Variants in CDH8 observed in about 807,000 individuals in gnomAD.
The protein encoded by CDH8 is cadherin 8.
A neutral mutation model predicts 68.1 loss-of-function variants in CDH8; 17 were observed. The ratio of observed to expected loss-of-function variants is 0.25; its 90% CI spans 0.17 to 0.37. The LOEUF (loss-of-function observed/expected upper bound fraction) is 0.37. CDH8 is among the 10% of genes least tolerant of loss of function. The pLI, the probability that CDH8 is intolerant of heterozygous loss-of-function variation, is 1.00. For missense variants in CDH8, 763 were observed against 999.3 expected (o/e 0.76, Z 3.19); for synonymous variants, 372 against 365.1 (o/e 1.02, Z -0.21).
chr16:61,960,119 A>ATG (rs56181239), intron 2 of CDH8, among the ~76,000 whole-genome samples: 1 of 12,202 alleles, frequency 8.2e-5, no homozygotes, highest in East Asian at 1.9e-3. Context: ...ATATATACAT[A>ATG]TGTGTGTGTG....
intron 3 of CDH8, among the ~76,000 whole-genome samples, chr16:61,863,067 T>C (rs918170210): frequency 6.6e-6 from 1 of 152,208 alleles, no homozygotes; most frequent in Non-Finnish European, 1.5e-5. Context: ...TTTCCAGCTG[T>C]TGTCAACAAA....
At chr16:61,857,299 C>T (rs1963065656) in intron 3 of CDH8, 61 bp from the exon 4 acceptor site, 2 of 1,440,154 alleles carry the variant, frequency 1.4e-6, no homozygotes, top group Non-Finnish European at 1.9e-6. Context: ...CCAAGAGCTA[C>T]ATTTTGTCAA....
intron 8 of CDH8, among the ~76,000 whole-genome samples, chr16:61,764,821 G>A (rs1342185502): frequency 6.6e-6 from 1 of 151,992 alleles, no homozygotes; most frequent in Non-Finnish European, 1.5e-5. Context: ...TGATGTTGGA[G>A]AATTAATGAG....
chr16:61,730,520 T>C (rs1373082458), intron 8 of CDH8, among the ~76,000 whole-genome samples: 1 of 151,636 alleles, frequency 6.6e-6, no homozygotes, highest in Non-Finnish European at 1.5e-5. Flanking sequence ...TGTGGTTTGT[T>C]AGTTTATAGT....
At chr16:61,992,050 T>G (rs898161409) in intron 2 of CDH8, among the ~76,000 whole-genome samples, 1 of 144,322 alleles carries the variant, frequency 6.9e-6, no homozygotes, top group East Asian at 2.1e-4. Flanking sequence ...TGCTAAATCT[T>G]TGTGTGTGTG....
At chr16:62,023,096 A>C (rs979135748) in intron 1 of CDH8, among the ~76,000 whole-genome samples, 22 of 152,168 alleles carry the variant, frequency 1.4e-4, no homozygotes, top group Non-Finnish European at 2.8e-4. Flanking sequence ...GATTCCCCTT[A>C]AGTCTTTCTC....
At position 61,696,065 on chromosome 16, in the gene CDH8, T is replaced by C. The variant is rs528320024; in HGVS notation, c.1654+17776A>G. ...CTCACAATGACATATTGCAATGTAA[T>C]GCAATGTAAGTCACATAATAGACAA... On this transcript the variant is annotated intron_variant, in intron 10 of 11. Transcript: ENST00000577390. 4.9e-4 allele frequency among the ~76,000 whole-genome samples: 74 copies of C among 152,320 alleles called. 1 individual carries two copies. The highest frequency in any genetic ancestry group is 1.8e-3 in the Admixed American group (27 of 15,306).
intron 4 of CDH8, among the ~76,000 whole-genome samples, chr16:61,832,382 AC>A (rs376883454): frequency 0.035 from 5,285 of 150,098 alleles, 128 homozygotes; most frequent in Middle Eastern, 0.082. Context: ...ATAGATAGAT[AC>A]ATAGAGAAAT....
At position 61,671,877 on chromosome 16, in the gene CDH8, G is replaced by GA. The variant is rs200698945; in HGVS notation, c.1655-16157dup. ...ATGGAGAGAGCAGAAACAAATGATT[G>GA]AAAAAAAAAGATACCTGTGTAGGTC... On this transcript the variant is annotated intron_variant, in intron 10 of 11. Transcript: ENST00000577390. 5.5e-3 allele frequency among the ~76,000 whole-genome samples: 831 copies of GA among 150,052 alleles called. 12 individuals carry two copies. The highest frequency in any genetic ancestry group is 0.041 in the Admixed American group (611 of 15,074).
intron 10 of CDH8, among the ~76,000 whole-genome samples, chr16:61,683,639 G>C (rs1964052257): frequency 6.6e-6 from 1 of 151,832 alleles, no homozygotes; most frequent in African/African-American, 2.4e-5. Context: ...TTTCTGGAGG[G>C]GCTGACCCTA....
Position 61,736,160 on chromosome 16 carries a change from G to C in CDH8, c.1415-8945C>G, listed in dbSNP as rs551068983. Among the ~76,000 whole-genome samples the C allele has an allele frequency of 6.9e-4, 99 of 144,208 alleles. 1 individual carries two copies. The highest frequency in any genetic ancestry group is 2.5e-3 in the African/African-American group (93 of 37,916). The allele number at this position is 144,208 out of a possible 152,430, so 94.6% of individuals were successfully genotyped here. On this transcript the variant is annotated intron_variant, in intron 8 of 11. Coordinates refer to ENST00000577390, the MANE Select transcript of CDH8 (RefSeq NM_001796.5). Reference sequence around the variant, plus strand: ...GGAAGGAAGGAAGGAAGGAAGGAAAGAAGGAAGGAAAGAAAGAAAGGTGGA... The same window carrying C: ...GGAAGGAAGGAAGGAAGGAAGGAAACAAGGAAGGAAAGAAAGAAAGGTGGA...
In CDH8 at chr16:61,650,302, T is replaced by C. The variant is rs1388696841; in HGVS notation, c.*3306A>G. 1.3e-5 allele frequency: 2 copies of C among 152,032 alleles called. No homozygotes were observed. Among genetic ancestry groups the C allele is most frequent in the Non-Finnish European group, 2.9e-5 (2 of 67,990 alleles). The allele number at this position is 152,032 out of a possible 1,614,324, so 9.4% of individuals were successfully genotyped here. On this transcript the variant is annotated 3_prime_UTR_variant, in exon 12 of 12. Coordinates refer to ENST00000577390, the MANE Select transcript of CDH8 (RefSeq NM_001796.5). ...ATAGGCAGAGTAGAGGCTGAATTGA[T>C]CCCATGTTGTGTCCAATCACCCAGG... is the stretch of plus-strand genomic sequence containing the variant.
intron 10 of CDH8, among the ~76,000 whole-genome samples, chr16:61,660,281 C>A (rs935399928): frequency 6.6e-6 from 1 of 150,828 alleles, no homozygotes; most frequent in Admixed American, 6.6e-5. Context: ...AGCAGAAAAA[C>A]AGCTGGCAAA....
chr16:61,875,269 C>A (rs949847860), intron 3 of CDH8, among the ~76,000 whole-genome samples: 2 of 152,074 alleles, frequency 1.3e-5, no homozygotes, highest in Non-Finnish European at 2.9e-5. Context: ...TTTTTAGAAT[C>A]CTCTGGAATA....
chr16:61,871,640 A>G (rs571629443), intron 3 of CDH8, among the ~76,000 whole-genome samples: 1 of 151,826 alleles, frequency 6.6e-6, no homozygotes, highest in East Asian at 1.9e-4. Context: ...AAAACAACCA[A>G]TGGGAAATGT....
rs140362022 is a variant in CDH8, at chr16:61,680,600, A to G, written c.1655-24879T>C. Among the ~76,000 whole-genome samples, 93 of 151,810 alleles carry G rather than the reference A, an allele frequency of 6.1e-4. 3 individuals carry two copies. The East Asian group carries it at 0.016, about 26-fold the overall frequency. On this transcript the variant is annotated intron_variant, in intron 10 of 11. Coordinates refer to ENST00000577390, the MANE Select transcript of CDH8 (RefSeq NM_001796.5). ...ATTTTTTTAATACTTATAAATCTGC[A>G]TAACATCACTTGCTCCCTCCCCTTC...
intron 8 of CDH8, among the ~76,000 whole-genome samples, chr16:61,770,255 T>C (rs1364289100): frequency 6.6e-6 from 1 of 151,968 alleles, no homozygotes; most frequent in Non-Finnish European, 1.5e-5. Flanking sequence ...GTTTATTTTC[T>C]GTTCTTTATT....
At chr16:61,698,438 A>C (rs942148812) in intron 10 of CDH8, among the ~76,000 whole-genome samples, 2 of 152,198 alleles carry the variant, frequency 1.3e-5, no homozygotes, top group African/African-American at 4.8e-5. Flanking sequence ...TATTAGAAGC[A>C]TAATAAAGAC....
rs572042645 is a variant in CDH8 at position 61,721,109 on chromosome 16, A to AATAT, written c.1536+5981_1536+5984dup. Among the ~76,000 whole-genome samples, 1,443 of 150,500 alleles carry AATAT rather than the reference A, an allele frequency of 9.6e-3. 21 individuals carry two copies. Among genetic ancestry groups the AATAT allele is most frequent in the African/African-American group, 0.03 (1,248 of 41,320 alleles). On this transcript the variant is annotated intron_variant, in intron 9 of 11. Transcript: ENST00000577390. ...AGATTGTTCAAGCTCCAAACCCTCC[A>AATAT]ATATATATATATTCACTTTGCTTTG...
Sources: gnomAD v4.1 joint callset for allele counts (sites outside exome capture counted in the v4.1 genomes callset) on GRCh38, gnomAD v4.1.1 for gene constraint, MANE v1.5 for transcripts, NCBI Gene and HGNC (gene_info 2026-07-23, HGNC 2026-07-21) for gene names.